The following WBP2NL variants were observed in gnomAD, a reference collection of about 807,000 sequenced individuals.
WBP2NL encodes the protein postacrosomal sheath WW domain-binding protein.
In WBP2NL, 27 loss-of-function variants were observed where a neutral mutation model predicts 23.3. That is an observed-to-expected ratio of 1.16 (90% confidence interval 0.85 to 1.60). The LOEUF is 1.60. Ranked by LOEUF, WBP2NL falls within the 40% of genes most tolerant of loss-of-function variation. The pLI, the probability that WBP2NL is intolerant of heterozygous loss-of-function variation, is 0.00. For missense variants in WBP2NL, 370 were observed against 389.5 expected (o/e 0.95, Z 0.42); for synonymous variants, 151 against 145.9 (o/e 1.03, Z -0.25).
At chr22:42,020,666 A>T (rs1923809038) in intron 4 of WBP2NL, among the ~76,000 whole-genome samples, 1 of 150,922 alleles carries the variant, frequency 6.6e-6, no homozygotes, top group Non-Finnish European at 1.5e-5. Context: ...GCCCTTAGTT[A>T]TTCTTTCTTT....
chr22:42,036,135 T>C (rs1925172189), downstream of WBP2NL, among the ~76,000 whole-genome samples: 1 of 152,196 alleles, frequency 6.6e-6, no homozygotes, highest in Non-Finnish European at 1.5e-5. Flanking sequence ...GGAGTACAGA[T>C]ATCCCTTTAC....
downstream of WBP2NL, among the ~76,000 whole-genome samples, chr22:42,028,905 A>C (rs1265244738): frequency 6.6e-6 from 1 of 152,032 alleles, no homozygotes; most frequent in Non-Finnish European, 1.5e-5. Context: ...TGCATCTTCG[A>C]CTCCTCACCC....
intron 1 of WBP2NL, among the ~76,000 whole-genome samples, chr22:42,010,738 C>T (rs1163982805): frequency 3.3e-5 from 5 of 152,086 alleles, no homozygotes; most frequent in Non-Finnish European, 5.9e-5. Flanking sequence ...TGGGGTTTCA[C>T]CGTGTTAGCC....
At chr22:42,006,373 A>G (rs1922252280) in intron 1 of WBP2NL, among the ~76,000 whole-genome samples, 1 of 152,002 alleles carries the variant, frequency 6.6e-6, no homozygotes, top group Admixed American at 6.6e-5. Flanking sequence ...GGCACCCGCC[A>G]CCACACTCGG....
chr22:42,018,857 A>G (rs1230026791), intron 1 of WBP2NL, among the ~76,000 whole-genome samples: 1 of 151,742 alleles, frequency 6.6e-6, no homozygotes, highest in African/African-American at 2.4e-5. Context: ...TCAATAAAAT[A>G]GTAGTAGTAG....
intron 5 of WBP2NL, among the ~76,000 whole-genome samples, chr22:42,025,796 G>A (rs998368757): frequency 2.0e-5 from 3 of 152,008 alleles, no homozygotes; most frequent in African/African-American, 7.3e-5. Flanking sequence ...ATCACTTTGG[G>A]GAATGTAACC....
At chr22:42,025,412 A>G (rs1924387892) in intron 5 of WBP2NL, among the ~76,000 whole-genome samples, 1 of 152,224 alleles carries the variant, frequency 6.6e-6, no homozygotes, top group South Asian at 2.1e-4. Flanking sequence ...ACAATTCTTC[A>G]CCAATGTGGC....
chr22:42,053,522 C>T (rs9623506), intron 8 of WBP2NL, among the ~76,000 whole-genome samples: 3,549 of 151,622 alleles, frequency 0.023, 147 homozygotes, highest in African/African-American at 0.082. Flanking sequence ...TGCAGTGGCG[C>T]GATCTCAGCT....
At chr22:42,035,533 A>C (rs1925150665), downstream of WBP2NL, among the ~76,000 whole-genome samples, 2 of 152,238 alleles carry the variant, frequency 1.3e-5, no homozygotes, top group South Asian at 4.1e-4. Context: ...GGCCATGCCT[A>C]GTTGCTGCAG....
chr22:42,010,001 A>G (rs938893615), intron 1 of WBP2NL, among the ~76,000 whole-genome samples: 1 of 152,230 alleles, frequency 6.6e-6, no homozygotes, highest in Admixed American at 6.5e-5. Context: ...TATAGTTTTC[A>G]GTGTACAAAC....
intron 1 of WBP2NL, among the ~76,000 whole-genome samples, chr22:42,004,846 C>T (rs1922060251): frequency 6.6e-6 from 1 of 152,082 alleles, no homozygotes; most frequent in Non-Finnish European, 1.5e-5. Context: ...ATCGCTTGAA[C>T]CTGAGAGGCT....
At chr22:42,033,989 C>A (rs1222795370), downstream of WBP2NL, among the ~76,000 whole-genome samples, 2 of 152,240 alleles carry the variant, frequency 1.3e-5, no homozygotes, top group Non-Finnish European at 1.5e-5. Context: ...CCATCCCCTT[C>A]TACCCAGGAA....
At chr22:42,044,727 C>T (rs1186350749) in intron 8 of WBP2NL, among the ~76,000 whole-genome samples, 3 of 151,996 alleles carry the variant, frequency 2.0e-5, no homozygotes, top group African/African-American at 4.8e-5. Context: ...ATTGCTTGAA[C>T]CCAGGAAGTC....
intron 1 of WBP2NL, chr22:42,002,619 A>G (rs1408069764): frequency 6.6e-6 from 1 of 152,186 alleles, no homozygotes; most frequent in African/African-American, 2.4e-5. Flanking sequence ...AACTCAGTCT[A>G]TCTACAGTGA....
chr22:42,023,653 G>A (rs1312284624), intron 5 of WBP2NL, among the ~76,000 whole-genome samples: 5 of 151,884 alleles, frequency 3.3e-5, no homozygotes, highest in South Asian at 2.1e-4. Flanking sequence ...CACCACGCCC[G>A]GCTAATTTTT....
chr22:42,021,544 TATAAG>T (rs1386692735), intron 4 of WBP2NL, among the ~76,000 whole-genome samples: 3 of 152,198 alleles, frequency 2.0e-5, no homozygotes, highest in Non-Finnish European at 2.9e-5. Context: ...CAAGTGTTCT[TATAAG>T]AGAGATGCAG....
At chr22:42,033,966 C>T (rs540451479), downstream of WBP2NL, among the ~76,000 whole-genome samples, 35 of 152,328 alleles carry the variant, frequency 2.3e-4, 1 homozygote, top group African/African-American at 7.2e-4. Context: ...GAAGGTGTGA[C>T]GTCACCAGGG....
At chr22:42,038,870 C>T (rs1344831921) in intron 8 of WBP2NL, among the ~76,000 whole-genome samples, 3 of 152,002 alleles carry the variant, frequency 2.0e-5, no homozygotes, top group South Asian at 4.1e-4. Context: ...TCCCAAAGTG[C>T]TGGGATTACA....
intron 8 of WBP2NL, among the ~76,000 whole-genome samples, chr22:42,057,912 T>TATATATACA (rs1926146460): frequency 1.5e-5 from 1 of 65,962 alleles, no homozygotes; most frequent in African/African-American, 6.9e-5. Flanking sequence ...TTTTTTTTTT[T>TATATATACA]TTTTTTTTTT....
Sources: allele counts gnomAD v4.1 joint callset (sites outside exome capture counted in the v4.1 genomes callset), GRCh38; gene constraint gnomAD v4.1.1; transcripts MANE v1.5; gene names NCBI Gene and HGNC (gene_info 2026-07-23, HGNC 2026-07-21).